Variants in PDE4D observed in about 807,000 individuals in gnomAD.
The protein encoded by PDE4D is phosphodiesterase 4D.
PDE4D carries 24 observed loss-of-function variants against 87.4 expected under a neutral mutation model. The observed-to-expected ratio is 0.27, with a 90% CI of 0.20 to 0.39. PDE4D has a LOEUF of 0.39. Among genes scored for constraint, PDE4D ranks in the 10% least tolerant of loss-of-function variants. The probability of loss-of-function intolerance (pLI) is 1.00; values close to 1 mark genes in which losing one functional copy is unlikely to be tolerated. For missense variants in PDE4D, 714 were observed against 1,041.0 expected (o/e 0.69, Z 4.32); for synonymous variants, 384 against 383.2 (o/e 1.00, Z -0.02).
At chr5:59,524,204 C>T (rs1812692995) in intron 1 of PDE4D, among the ~76,000 whole-genome samples, 2 of 152,144 alleles carry the variant, frequency 1.3e-5, no homozygotes, top group African/African-American at 2.4e-5. Context: ...GGAAAATGTG[C>T]AACTTCCTAG....
intron 1 of PDE4D, among the ~76,000 whole-genome samples, chr5:59,224,065 T>G (rs1318467069): frequency 6.9e-6 from 1 of 145,268 alleles, no homozygotes; most frequent in African/African-American, 2.6e-5. Flanking sequence ...GGGAGTGGAT[T>G]GCTTGAGCTC....
At chr5:59,680,956 T>A (rs1748900475) in intron 1 of PDE4D, among the ~76,000 whole-genome samples, 1 of 152,114 alleles carries the variant, frequency 6.6e-6, no homozygotes, top group South Asian at 2.1e-4. Context: ...TGTGTGGGTA[T>A]GCATATATAT....
intron 2 of PDE4D, among the ~76,000 whole-genome samples, chr5:59,200,084 C>CACGT (rs1746591268): frequency 6.9e-6 from 1 of 145,042 alleles, no homozygotes; most frequent in Non-Finnish European, 1.5e-5. Context: ...TGCACACATA[C>CACGT]ATGTATGTAG....
chr5:60,050,580 C>G (rs1201833416), intron 2 of PDE4D, among the ~76,000 whole-genome samples: 1 of 152,222 alleles, frequency 6.6e-6, no homozygotes, highest in Non-Finnish European at 1.5e-5. Context: ...ACTGCAAAAA[C>G]ATACCAAACT....
chr5:60,460,336 C>A lies in PDE4D; in HGVS notation c.-90+27606G>T, dbSNP rs151281783. ...ATTTTCATCAAAATAAAAATCTATTCTGTAACCTGATTTAATATCTTCAAA... is the reference window on the plus strand; with the variant it reads ...ATTTTCATCAAAATAAAAATCTATTATGTAACCTGATTTAATATCTTCAAA... On this transcript the variant is annotated intron_variant, in intron 1 of 16. Coordinates refer to the PDE4D transcript ENST00000502484. The A allele has an allele frequency of 4.5e-3, 4,551 of 1,002,894 alleles. 122 individuals are homozygous for A. In the African/African-American group the frequency reaches 0.066, roughly 15 times the overall value. 62.1% of individuals were successfully genotyped at this position (1,002,894 alleles called of 1,614,324 possible).
At position 59,317,945 on chromosome 5, in the gene PDE4D, CT is replaced by C. The variant is rs147719098; in HGVS notation, c.456-101978del. On this transcript the variant is annotated intron_variant, in intron 1 of 14. Transcript: ENST00000340635. ...CAAAGCTTATGCATGTCTAAGTTCT[CT>C]GATCTTAACCTTTTGAAAGGCAGTA... Among the ~76,000 whole-genome samples the C allele has an allele frequency of 5.9e-3, 905 of 152,262 alleles. 15 individuals carry two copies. The highest frequency in any genetic ancestry group is 0.021 in the African/African-American group (856 of 41,560).
At chr5:59,797,134 T>TAAAAAAAAAAAAAA (rs36051421) in intron 1 of PDE4D, 1 of 114,996 alleles carries the variant, frequency 8.7e-6, no homozygotes. Context: ...ACATTCTCTC[T>TAAAAAAAAAAAAAA]AAAAAAAAAA....
At chr5:60,137,123 C>G (rs536054091) in intron 2 of PDE4D, among the ~76,000 whole-genome samples, 12 of 152,300 alleles carry the variant, frequency 7.9e-5, no homozygotes, top group South Asian at 4.1e-4. Context: ...ATCTATGTTC[C>G]CACAAAAGAC....
At chr5:60,199,211 C>G (rs1741623007) in intron 1 of PDE4D, among the ~76,000 whole-genome samples, 1 of 151,740 alleles carries the variant, frequency 6.6e-6, no homozygotes, top group African/African-American at 2.4e-5. Flanking sequence ...AGATACCAAG[C>G]TTCATAGCAA....
intron 1 of PDE4D, among the ~76,000 whole-genome samples, chr5:59,762,391 GGTACACATGTGTATATGT>G (rs1762155075): frequency 8.1e-6 from 1 of 124,216 alleles, no homozygotes; most frequent in Non-Finnish European, 1.7e-5. Flanking sequence ...TGTGTATATG[GGTACACATGTGTATATGT>G]GTATATGGGT....
At chr5:59,324,670 A>C (rs1265457498) in intron 1 of PDE4D, among the ~76,000 whole-genome samples, 1 of 152,126 alleles carries the variant, frequency 6.6e-6, no homozygotes. Flanking sequence ...ACTCACCAAC[A>C]CTTGAGGCTG....
chr5:59,107,442 T>A (rs1771807089), intron 5 of PDE4D, among the ~76,000 whole-genome samples: 1 of 152,210 alleles, frequency 6.6e-6, no homozygotes, highest in Admixed American at 6.5e-5. Flanking sequence ...CTCCCAACCT[T>A]CAGTGATCTG....
intron 1 of PDE4D, among the ~76,000 whole-genome samples, chr5:59,257,228 T>A (rs1761147416): frequency 6.6e-6 from 1 of 152,054 alleles, no homozygotes. Flanking sequence ...GTGGCAATGA[T>A]GTGTGATGGG....
chr5:60,431,199 G>A (rs949819685), intron 1 of PDE4D: 4 of 192,960 alleles, frequency 2.1e-5, no homozygotes, highest in Admixed American at 1.8e-4. Flanking sequence ...TCCCAGACAG[G>A]GTGGCTGCTG....
chr5:60,303,424 T>G (rs959629757), intron 1 of PDE4D, among the ~76,000 whole-genome samples: 14 of 150,538 alleles, frequency 9.3e-5, no homozygotes, highest in African/African-American at 3.4e-4. Context: ...TTCTCCTGCC[T>G]CAGCCTCCCG....
chr5:59,924,944 A>G (rs1175633817), intron 3 of PDE4D, among the ~76,000 whole-genome samples: 2 of 152,010 alleles, frequency 1.3e-5, no homozygotes, highest in Admixed American at 6.6e-5. Context: ...GGGAGGCTGA[A>G]GCGGGCAGAT....
chr5:59,750,712 A>G (rs1760316664), intron 1 of PDE4D, among the ~76,000 whole-genome samples: 1 of 152,064 alleles, frequency 6.6e-6, no homozygotes, highest in Non-Finnish European at 1.5e-5. Context: ...GAGGCTGGAG[A>G]ATGGCTTGAG....
At chr5:60,320,501 T>G (rs747541222) in intron 1 of PDE4D, among the ~76,000 whole-genome samples, 7 of 152,160 alleles carry the variant, frequency 4.6e-5, no homozygotes, top group Admixed American at 2.6e-4. Context: ...GCACCCACTT[T>G]CCGACACTCC....
At chr5:59,348,278 G>A (rs1392896591) in intron 1 of PDE4D, among the ~76,000 whole-genome samples, 3 of 151,868 alleles carry the variant, frequency 2.0e-5, no homozygotes, top group African/African-American at 4.8e-5. Context: ...ATGTTTTTGG[G>A]GCAACTTATA....
Sources: allele counts gnomAD v4.1 joint callset (sites outside exome capture counted in the v4.1 genomes callset), GRCh38; gene constraint gnomAD v4.1.1; transcripts MANE v1.5; gene names NCBI Gene and HGNC (gene_info 2026-07-23, HGNC 2026-07-21).